RCC1: variants seen among roughly 807,000 people sequenced by gnomAD.
The protein encoded by RCC1 is regulator of chromosome condensation 1, also known as regulator of chromosome condensation.
A neutral mutation model predicts 44.4 loss-of-function variants in RCC1; 11 were observed. The ratio of observed to expected loss-of-function variants is 0.25; its 90% CI spans 0.16 to 0.41. RCC1 has a LOEUF of 0.41. Ranked by LOEUF, RCC1 falls within the 10% of genes least tolerant of loss-of-function variation. RCC1 has a pLI of 1.00. For missense variants in RCC1, 386 were observed against 547.1 expected (o/e 0.71, Z 2.94); for synonymous variants, 213 against 216.5 (o/e 0.98, Z 0.14).
rs1305376705 is a variant in RCC1 at position 28,536,814 on chromosome 1, G to C, written c.1005G>C (p.Lys335Asn). Residue 335 changes from lysine to asparagine, a missense_variant, in exon 12 of 13, where the codon AAG becomes AAC. Coordinates refer to ENST00000683442, the MANE Select transcript of RCC1 (RefSeq NM_001381865.2). This position sits in a 1 kb window ranked among gnomAD's most constrained non-coding sequence, Gnocchi z 4.9. ...GCCTTGGAGAGGGTGCTGAGGAGAA[G>C]AGCATACCCACCCTCATCTCCAGGC... ...RLGLGEGAEEKSIPTLISRLP... is the reference protein window; with the variant it reads ...RLGLGEGAEENSIPTLISRLP... 1.9e-6 allele frequency: 3 copies of C among 1,614,126 alleles called. No homozygotes were observed. Among genetic ancestry groups the C allele is most frequent in the Non-Finnish European group, 2.5e-6 (3 of 1,180,018 alleles).
chr1:28,527,834 AC>A (rs1277886329), intron 4 of RCC1, among the ~76,000 whole-genome samples: 1 of 151,184 alleles, frequency 6.6e-6, no homozygotes, highest in Non-Finnish European at 1.5e-5. Flanking sequence ...ACATGGAGAA[AC>A]CCCATCTCTA....
At chr1:28,507,347 T>A (rs758931378) in intron 1 of RCC1, 1 of 517,606 alleles carries the variant, frequency 1.9e-6, no homozygotes, top group East Asian at 5.5e-5. Flanking sequence ...TCTGTAAATT[T>A]ATGCGTTACA....
chr1:28,536,907 G>T lies in RCC1; in HGVS notation c.1090+8G>T, dbSNP rs750448308. On this transcript the variant is annotated splice_region_variant and intron_variant, in intron 12 of 12. Transcript: ENST00000683442. This position sits in a 1 kb window ranked among gnomAD's most constrained non-coding sequence, Gnocchi z 4.9. ...ATGCTGTGACCAAGGATGGTGAGTG[G>T]GGCTGCCTACACTCTGTCTAGTTGG... is the stretch of plus-strand genomic sequence containing the variant. 6.2e-7 allele frequency: 1 copy of T among 1,613,692 alleles called. No homozygotes were observed. The highest frequency in any genetic ancestry group is 1.7e-5 in the Admixed American group (1 of 59,952).
At chr1:28,508,758 C>T (rs1429414303) in intron 2 of RCC1, 72 bp from the exon 3 acceptor site, 1 of 518,950 alleles carries the variant, frequency 1.9e-6, no homozygotes, top group Non-Finnish European at 3.8e-6. Context: ...ATGCAGGAAA[C>T]ATATCTAGTA....
intron 3 of RCC1, among the ~76,000 whole-genome samples, chr1:28,514,428 C>T (rs56272623): frequency 0.086 from 12,695 of 148,128 alleles, 1,133 homozygotes; most frequent in African/African-American, 0.23. Context: ...CCAGCCTGGG[C>T]GACAGAGCGA....
chr1:28,515,093 CAT>C (rs1331247554), intron 3 of RCC1, among the ~76,000 whole-genome samples: 1 of 152,112 alleles, frequency 6.6e-6, no homozygotes, highest in African/African-American at 2.4e-5. Context: ...GCCTGGCCAA[CAT>C]AGTGAAACCC....
chr1:28,532,565 C>G, intron 7 of RCC1: 2 of 564,002 alleles, frequency 3.5e-6, no homozygotes, highest in East Asian at 3.2e-5. Flanking sequence ...CATCAAGTGT[C>G]TGTCCTGGGA....
At chr1:28,533,364 G>T (rs971145643) in intron 7 of RCC1, among the ~76,000 whole-genome samples, 5 of 151,712 alleles carry the variant, frequency 3.3e-5, no homozygotes, top group African/African-American at 9.7e-5. Flanking sequence ...CCAGCTACTC[G>T]GGAGGCTGAG....
rs891103620 is a variant in RCC1, at chr1:28,536,111, G to A, written c.817+85G>A. On this transcript the variant is annotated intron_variant, in intron 10 of 12. Coordinates refer to ENST00000683442, the MANE Select transcript of RCC1 (RefSeq NM_001381865.2). The surrounding 1 kb of genome is among the most constrained non-coding windows in gnomAD (Gnocchi z 4.9). ...GCCACTCATTCATTGTGCATCCTTTGCGGGGTCGTCTAACCCCTCCAAGCC... is the reference window on the plus strand; with the variant it reads ...GCCACTCATTCATTGTGCATCCTTTACGGGGTCGTCTAACCCCTCCAAGCC... 1.3e-5 allele frequency: 20 copies of A among 1,545,350 alleles called. No homozygotes were observed. The highest frequency in any genetic ancestry group is 1.9e-5 in the Admixed American group (1 of 51,690).
intron 7 of RCC1, among the ~76,000 whole-genome samples, 154 bp from the exon 8 acceptor site, chr1:28,534,896 C>T (rs1397487682): frequency 6.6e-6 from 1 of 152,224 alleles, no homozygotes; most frequent in African/African-American, 2.4e-5. Flanking sequence ...TAATGCAAGT[C>T]GCAGACCATA....
At position 28,537,852 on chromosome 1, in the gene RCC1, ATGGGCACCAACTACCAGC is replaced by A. The variant is rs1262028711; in HGVS notation, c.1119_1136del (p.Asn374_Thr379del). On this transcript the variant is annotated inframe_deletion, in exon 13 of 13. Coordinates refer to ENST00000683442, the MANE Select transcript of RCC1 (RefSeq NM_001381865.2). The stretch of plus-strand genomic sequence containing the variant: ...TGCAGGTCGTGTTTTCGCCTGGGGC[ATGGGCACCAACTACCAGC>A]TGGGCACAGGGCAGGATGAGGACGC... The A allele has an allele frequency of 6.2e-7, 1 of 1,612,896 alleles. No homozygotes were observed. Among genetic ancestry groups the A allele is most frequent in the Non-Finnish European group, 8.5e-7 (1 of 1,179,672 alleles).
At chr1:28,527,466 C>T (rs1395450048) in intron 4 of RCC1, among the ~76,000 whole-genome samples, 1 of 152,124 alleles carries the variant, frequency 6.6e-6, no homozygotes, top group African/African-American at 2.4e-5. Flanking sequence ...TGGTCTTGAA[C>T]TCCTGGGCTC....
intron 4 of RCC1, chr1:28,518,433 C>T (rs538101897): frequency 6.6e-6 from 1 of 151,402 alleles, no homozygotes; most frequent in Non-Finnish European, 1.5e-5. Flanking sequence ...TGTCGCGCGG[C>T]GCCGGCCCCA....
intron 4 of RCC1, 125 bp from the exon 5 acceptor site, chr1:28,529,733 T>A: frequency 2.8e-6 from 2 of 711,562 alleles, no homozygotes; most frequent in Non-Finnish European, 2.5e-6. Context: ...TTGGGATACA[T>A]TTTGAGAAGT....
At chr1:28,510,202 T>G (rs558864477) in intron 3 of RCC1, 2 of 152,430 alleles carry the variant, frequency 1.3e-5, no homozygotes, top group East Asian at 3.9e-4. Flanking sequence ...GATTGGAGTT[T>G]GGTGGACTGT....
chr1:28,513,875 A>G (rs925707586), intron 3 of RCC1, among the ~76,000 whole-genome samples: 3 of 152,188 alleles, frequency 2.0e-5, no homozygotes, highest in African/African-American at 7.2e-5. Context: ...ATGAGTCACC[A>G]TGCCCAGCCA....
chr1:28,532,322 G>T lies in RCC1; in HGVS notation c.413G>T (p.Gly138Val). The change falls in exon 7 of 13, where the codon GGC (glycine) becomes GTC (valine). Residue 138 changes from glycine (G) to valine (V), a missense_variant. Physicochemically the swap from Gly to Val is moderately radical, Grantham distance 109 (BLOSUM62 -3). Transcript: ENST00000683442. ...CACACAGCAGCCCTCACCGATGATG[G>T]CCGTGTCTTCCTCTGGGGCTCCTTC... ...DSHTAALTDDGRVFLWGSFRD... is the reference protein window; with the variant it reads ...DSHTAALTDDVRVFLWGSFRD... The T allele has an allele frequency of 1.2e-6, 2 of 1,614,130 alleles. No individual in the cohort carries two copies. Among genetic ancestry groups the T allele is most frequent in the Non-Finnish European group, 1.7e-6 (2 of 1,180,028 alleles).
intron 4 of RCC1, among the ~76,000 whole-genome samples, chr1:28,517,623 T>C (rs1662973174): frequency 6.6e-6 from 1 of 152,076 alleles, no homozygotes; most frequent in Admixed American, 6.6e-5. Context: ...CGTGCCCAAA[T>C]TCCCATATAT....
chr1:28,511,618 C>T (rs1315703374), intron 3 of RCC1, among the ~76,000 whole-genome samples: 1 of 151,558 alleles, frequency 6.6e-6, no homozygotes, highest in African/African-American at 2.4e-5. Flanking sequence ...ATCCGCCCAC[C>T]TCGGCCTCCC....
Sources: gnomAD v4.1 joint callset for allele counts (sites outside exome capture counted in the v4.1 genomes callset) on GRCh38, gnomAD v4.1.1 for gene constraint, Gnocchi (gnomAD v3.1) non-coding constraint, MANE v1.5 for transcripts, NCBI Gene and HGNC (gene_info 2026-07-23, HGNC 2026-07-21) for gene names.